ROBO1: variants seen among roughly 807,000 people sequenced by gnomAD.
The protein encoded by ROBO1 is roundabout homolog 1.
A neutral mutation model predicts 195.9 loss-of-function variants in ROBO1; 149 were observed. That is an observed-to-expected ratio of 0.76 (90% CI 0.67 to 0.87). The LOEUF is 0.87. Among genes scored for constraint, ROBO1 ranks in the 40% least tolerant of loss-of-function variants. The probability of loss-of-function intolerance (pLI) is 0.00; values close to 1 mark genes in which losing one functional copy is unlikely to be tolerated. For synonymous variants in ROBO1, 816 were observed against 733.2 expected (o/e 1.11, Z -1.82); for missense variants, 1,933 against 2,068.3 (o/e 0.93, Z 1.27).
Position 78,717,535 on chromosome 3 carries a change from A to G in ROBO1, c.779-122T>C. 4 of 954,686 alleles carry G rather than the reference A, an allele frequency of 4.2e-6. No individual in the cohort carries two copies. In the South Asian group the frequency reaches 6.5e-5, roughly 15 times the overall value. The allele number at this position is 954,686 out of a possible 1,614,324, so 59.1% of individuals were successfully genotyped here. Reference sequence around the variant, plus strand: ...TATCAGCGAGGAAATTATTCCACAGAGTCCCCTCATTCTAGAAGCTTCTCC... The same window carrying G: ...TATCAGCGAGGAAATTATTCCACAGGGTCCCCTCATTCTAGAAGCTTCTCC... On this transcript the variant is annotated intron_variant, in intron 6 of 30. Coordinates refer to ENST00000464233, the MANE Select transcript of ROBO1 (RefSeq NM_002941.4).
rs1703276427 is a variant in ROBO1, at chr3:78,603,203, T to TAC, written c.4745-2896_4745-2895dup. ...GCTTTTTATGACTTAAGCCTTCATG[T>TAC]ACCTCAAGAGCTTCATCTTTGACCA... is the stretch of plus-strand genomic sequence containing the variant. On this transcript the variant is annotated intron_variant, in intron 29 of 30. Coordinates refer to ENST00000464233, the MANE Select transcript of ROBO1 (RefSeq NM_002941.4). 8.5e-5 allele frequency among the ~76,000 whole-genome samples: 13 copies of TAC among 152,358 alleles called. No individual in the cohort carries two copies. The South Asian group carries it at 2.7e-3, about 32-fold the overall frequency.
At chr3:79,477,111 T>G (rs1034168115) in intron 2 of ROBO1, among the ~76,000 whole-genome samples, 14 of 152,120 alleles carry the variant, frequency 9.2e-5, no homozygotes, top group Admixed American at 5.9e-4. Context: ...TGATTTTGGT[T>G]GGCAACAAAG....
At chr3:79,085,861 C>A (rs2079359648) in intron 3 of ROBO1, among the ~76,000 whole-genome samples, 1 of 152,072 alleles carries the variant, frequency 6.6e-6, no homozygotes, top group Non-Finnish European at 1.5e-5. Flanking sequence ...TAAATTTCAG[C>A]AAATTGATTA....
At chr3:79,358,313 T>A (rs187616296) in intron 2 of ROBO1, among the ~76,000 whole-genome samples, 2 of 152,084 alleles carry the variant, frequency 1.3e-5, no homozygotes, top group Non-Finnish European at 2.9e-5. Context: ...AAATGCAATA[T>A]GATTCAGGTT....
chr3:79,207,562 G>A (rs922501017), intron 2 of ROBO1, among the ~76,000 whole-genome samples: 3 of 152,114 alleles, frequency 2.0e-5, no homozygotes, highest in African/African-American at 7.2e-5. Context: ...TAATAATAGT[G>A]AGAGCTTGAT....
rs376974846 is a variant in ROBO1, at chr3:79,191,196, C to T, written c.89-65657G>A. Among the ~76,000 whole-genome samples, 3 of 151,366 alleles carry T rather than the reference C, an allele frequency of 2.0e-5. No homozygotes were observed. In the East Asian group the frequency reaches 5.8e-4, roughly 29 times the overall value. On this transcript the variant is annotated intron_variant, in intron 2 of 30. Transcript: ENST00000464233. Reference sequence around the variant, plus strand: ...GCTCTTTTCCTGAAAAATTGTTTGCCTTGTGATAACTCATTTTTTCTAAAG... The same window carrying T: ...GCTCTTTTCCTGAAAAATTGTTTGCTTTGTGATAACTCATTTTTTCTAAAG...
intron 2 of ROBO1, among the ~76,000 whole-genome samples, chr3:79,563,077 A>G (rs1024076770): frequency 6.6e-6 from 1 of 151,610 alleles, no homozygotes; most frequent in Non-Finnish European, 1.5e-5. Flanking sequence ...ACATATGGCT[A>G]GGGGTGAAAT....
chr3:79,744,447 G>C (rs768074894), intron 1 of ROBO1, among the ~76,000 whole-genome samples: 5 of 152,170 alleles, frequency 3.3e-5, no homozygotes, highest in Admixed American at 2.6e-4. Context: ...GATGATGTCT[G>C]AAGGTAGGGC....
rs1406952794 is a variant in ROBO1, at chr3:78,597,919, A to AAAT, written c.*991_*993dup. 3 of 151,310 alleles carry AAAT rather than the reference A, an allele frequency of 2.0e-5. No individual in the cohort carries two copies. Among genetic ancestry groups the AAAT allele is most frequent in the African/African-American group, 7.3e-5 (3 of 40,856 alleles). The allele number at this position is 151,310 out of a possible 1,614,324, so 9.4% of individuals were successfully genotyped here. A position where few individuals can be genotyped will look rare whatever the true frequency, so the allele number is the denominator to read the frequency against. ...AAGGTTAATAGTTACAATGGTTTAC[A>AAAT]AATAAAGTTTAGTGATTGTGCTTTT... On this transcript the variant is annotated 3_prime_UTR_variant, in exon 31 of 31. Transcript: ENST00000464233.
chr3:79,745,785 A>C (rs1001876929), intron 1 of ROBO1, among the ~76,000 whole-genome samples: 2 of 152,158 alleles, frequency 1.3e-5, no homozygotes, highest in Admixed American at 1.3e-4. Flanking sequence ...TTAGTTCATT[A>C]AGGATTAATA....
intron 2 of ROBO1, among the ~76,000 whole-genome samples, chr3:79,396,791 T>C (rs1365225693): frequency 6.6e-6 from 1 of 152,152 alleles, no homozygotes; most frequent in East Asian, 1.9e-4. Context: ...TGGTAAACCA[T>C]TTAGTTTTAT....
intron 1 of ROBO1, among the ~76,000 whole-genome samples, chr3:79,710,251 C>G (rs906367250): frequency 3.9e-5 from 6 of 152,012 alleles, no homozygotes; most frequent in African/African-American, 1.4e-4. Context: ...ACACATGAAG[C>G]TACATGTACA....
intron 1 of ROBO1, among the ~76,000 whole-genome samples, chr3:79,653,709 C>G (rs1402072315): frequency 6.6e-6 from 1 of 151,904 alleles, no homozygotes; most frequent in African/African-American, 2.4e-5. Context: ...AATGCAGTTC[C>G]TAGGGAAAGA....
At chr3:78,625,354 T>C (rs1867490) in intron 26 of ROBO1, among the ~76,000 whole-genome samples, 147,765 of 152,348 alleles carry the variant, frequency 0.97, 71,681 homozygotes, top group East Asian at 0.99. Context: ...TTTGCCTATT[T>C]CCTCAGCCAT....
chr3:79,612,388 C>G (rs1944688277), intron 1 of ROBO1, among the ~76,000 whole-genome samples: 1 of 148,336 alleles, frequency 6.7e-6, no homozygotes, highest in Admixed American at 6.8e-5. Flanking sequence ...CATAGTATTC[C>G]ATGGTGTATA....
chr3:79,593,065 T>A (rs1944056334), intron 1 of ROBO1, among the ~76,000 whole-genome samples: 2 of 151,958 alleles, frequency 1.3e-5, no homozygotes, highest in African/African-American at 4.8e-5. Flanking sequence ...CCTCCATGGG[T>A]TTTTCTTTTC....
intron 2 of ROBO1, among the ~76,000 whole-genome samples, chr3:79,549,960 A>C (rs953070757): frequency 6.7e-6 from 1 of 149,372 alleles, no homozygotes; most frequent in African/African-American, 2.5e-5. Flanking sequence ...CATCATCTCT[A>C]TAAAAAAATT....
At chr3:79,482,667 T>C (rs1938925136) in intron 2 of ROBO1, among the ~76,000 whole-genome samples, 1 of 152,160 alleles carries the variant, frequency 6.6e-6, no homozygotes, top group Non-Finnish European at 1.5e-5. Flanking sequence ...GGATCACTTA[T>C]AAAGAATCTC....
chr3:78,698,738 T>TA (rs1293016952), intron 8 of ROBO1, among the ~76,000 whole-genome samples: 1 of 152,178 alleles, frequency 6.6e-6, no homozygotes, highest in Non-Finnish European at 1.5e-5. Context: ...CTATTCAACT[T>TA]AAAGCTTATC....
Sources: allele counts gnomAD v4.1 joint callset (sites outside exome capture counted in the v4.1 genomes callset), GRCh38; gene constraint gnomAD v4.1.1; transcripts MANE v1.5; gene names NCBI Gene and HGNC (gene_info 2026-07-23, HGNC 2026-07-21).